The following VPS13B variants were observed in gnomAD, a reference collection of about 807,000 sequenced individuals.
VPS13B encodes vacuolar protein sorting 13 homolog B.
Under a neutral mutation model 426.4 loss-of-function variants are expected in VPS13B, and 285 were observed. The observed-to-expected ratio is 0.67, with a 90% CI of 0.61 to 0.74. The LOEUF is 0.74. Ranked by LOEUF, VPS13B falls within the 30% of genes least tolerant of loss-of-function variation. The pLI is 0.00. For synonymous variants in VPS13B, 1,676 were observed against 1,676.4 expected (o/e 1.00, Z 0.01); for missense variants, 4,537 against 4,782.6 (o/e 0.95, Z 1.51).
chr8:99,623,373 C>T (rs1003406852), intron 33 of VPS13B, among the ~76,000 whole-genome samples: 2 of 152,138 alleles, frequency 1.3e-5, no homozygotes, highest in Non-Finnish European at 2.9e-5. Context: ...TTTCTCATAC[C>T]ATGTATAATC....
chr8:99,091,420 T>G (rs1454081205), intron 3 of VPS13B, among the ~76,000 whole-genome samples: 1 of 152,192 alleles, frequency 6.6e-6, no homozygotes, highest in African/African-American at 2.4e-5. Context: ...TTCCAGCCTG[T>G]CATAACCCCT....
intron 17 of VPS13B, among the ~76,000 whole-genome samples, chr8:99,220,259 C>T (rs1295726696): frequency 6.6e-6 from 1 of 152,160 alleles, no homozygotes; most frequent in Non-Finnish European, 1.5e-5. Flanking sequence ...ACCAATAAAT[C>T]TCAGCTTTTG....
chr8:99,638,446 C>T (rs1225122107), intron 33 of VPS13B, among the ~76,000 whole-genome samples: 6 of 151,958 alleles, frequency 3.9e-5, no homozygotes, highest in Non-Finnish European at 7.4e-5. Context: ...GCTCACAATC[C>T]CTGAGACAGA....
intron 17 of VPS13B, among the ~76,000 whole-genome samples, chr8:99,239,655 A>G (rs540784787): frequency 8.6e-5 from 13 of 151,404 alleles, no homozygotes; most frequent in African/African-American, 3.2e-4. Flanking sequence ...ATTGCAGATA[A>G]AGAGAGGTTC....
At chr8:99,314,803 T>C (rs1300181323) in intron 19 of VPS13B, among the ~76,000 whole-genome samples, 1 of 152,204 alleles carries the variant, frequency 6.6e-6, no homozygotes, top group African/African-American at 2.4e-5. Context: ...GGGTGCTTGG[T>C]GTTGGGTGCA....
At position 99,642,461 on chromosome 8, in the gene VPS13B, T is replaced by C. The variant is rs1829408630; in HGVS notation, c.5871T>C (p.Ala1957=). ...KQRVEVSIFD[A]VLKGVASDYK... ...GAGTGGAAGTATCCATTTTTGATGC[T>C]GTGCTTAAAGGGGTGGCCTCTGATT... Residue 1957 remains alanine (A), a synonymous_variant, in exon 34 of 62, where the codon GCT becomes GCC. Transcript: ENST00000357162. 6.2e-7 allele frequency: 1 copy of C among 1,614,024 alleles called. No individual in the cohort carries two copies. The highest frequency in any genetic ancestry group is 2.2e-5 in the East Asian group (1 of 44,880).
chr8:99,482,025 G>A (rs186505726), intron 25 of VPS13B, among the ~76,000 whole-genome samples: 3 of 152,208 alleles, frequency 2.0e-5, no homozygotes, highest in Non-Finnish European at 2.9e-5. Flanking sequence ...GATAGTGCAG[G>A]TTCTGTGAAA....
chr8:99,636,894 T>A (rs1305836657), intron 33 of VPS13B, among the ~76,000 whole-genome samples: 1 of 152,034 alleles, frequency 6.6e-6, no homozygotes, highest in Admixed American at 6.6e-5. Flanking sequence ...ACCGAAGTAA[T>A]GTACAGTTGG....
chr8:99,230,296 C>T (rs1047900604), intron 17 of VPS13B, among the ~76,000 whole-genome samples: 2 of 152,116 alleles, frequency 1.3e-5, no homozygotes, highest in Non-Finnish European at 2.9e-5. Context: ...GTCCCTTACT[C>T]GATCCATATG....
chr8:99,699,539 G>A lies in VPS13B; in HGVS notation c.6061G>A (p.Asp2021Asn). Residue 2021 changes from aspartate to asparagine, a missense_variant, in exon 36 of 62, where the codon GAT (aspartate) becomes AAT (asparagine). Physicochemically the swap from Asp to Asn is conservative, Grantham distance 23 (BLOSUM62 1). Around this residue, in one of 2 missense-constraint regions of VPS13B, gnomAD observed 4,311 missense variants for 4,474.3 expected, o/e 0.96. Coordinates refer to ENST00000357162, the MANE Select transcript of VPS13B (RefSeq NM_152564.5). ...FLNGPADVNLDISKPLKANLS... is the reference protein window; with the variant it reads ...FLNGPADVNLNISKPLKANLS... ...TACTTCTATAGCGGATGTCAATTTGGATATATCAAAGCCTTTGAAAGCAAA... is the reference window on the plus strand; with the variant it reads ...TACTTCTATAGCGGATGTCAATTTGAATATATCAAAGCCTTTGAAAGCAAA... 1 of 1,613,578 alleles carries A rather than the reference G, an allele frequency of 6.2e-7. No homozygotes were observed. The highest frequency in any genetic ancestry group is 2.2e-5 in the East Asian group (1 of 44,874).
chr8:99,352,108 C>G (rs910843148), intron 19 of VPS13B, among the ~76,000 whole-genome samples: 6 of 152,140 alleles, frequency 3.9e-5, no homozygotes, highest in Non-Finnish European at 7.4e-5. Flanking sequence ...TCTTGCCCTC[C>G]TCCTGTGGAA....
chr8:99,655,702 G>T (rs199586844), intron 34 of VPS13B, among the ~76,000 whole-genome samples: 2 of 152,246 alleles, frequency 1.3e-5, no homozygotes, highest in East Asian at 3.9e-4. Flanking sequence ...TCTCCTCCCT[G>T]CTTTCAGGTG....
chr8:99,651,775 T>A (rs1314474961), intron 34 of VPS13B, among the ~76,000 whole-genome samples: 2 of 152,190 alleles, frequency 1.3e-5, no homozygotes, highest in Non-Finnish European at 2.9e-5. Flanking sequence ...ATTTTTCTTC[T>A]TGTTTGTTTG....
At chr8:99,462,358 C>T (rs1414600911) in intron 23 of VPS13B, among the ~76,000 whole-genome samples, 4 of 151,408 alleles carry the variant, frequency 2.6e-5, no homozygotes, top group Non-Finnish European at 4.4e-5. Context: ...TTTTTTTATT[C>T]TTGACATCAT....
chr8:99,510,414 A>G (rs1261158906), intron 28 of VPS13B, among the ~76,000 whole-genome samples: 1 of 152,214 alleles, frequency 6.6e-6, no homozygotes, highest in Non-Finnish European at 1.5e-5. Flanking sequence ...CCCTTCTGTG[A>G]CCTGTGATAC....
rs763624806 is a variant in VPS13B at position 99,274,256 on chromosome 8, G to C, written c.2574G>C (p.Leu858Phe). The C allele has an allele frequency of 2.5e-6, 4 of 1,614,122 alleles. No homozygotes were observed. The East Asian group carries it at 8.9e-5, about 36-fold the overall frequency. ...TLEGSIQNVE[L>F]KYCSTSLVKC... Reference sequence around the variant, plus strand: ...AGGGCTCAATCCAGAATGTTGAATTGAAGTACTGCAGCACATCATTGGTCA... The same window carrying C: ...AGGGCTCAATCCAGAATGTTGAATTCAAGTACTGCAGCACATCATTGGTCA... Residue 858 changes from leucine to phenylalanine, a missense_variant, in exon 18 of 62, where the codon TTG becomes TTC. Transcript: ENST00000357162.
At chr8:99,809,667 A>T in intron 44 of VPS13B, 137 bp downstream of exon 44, 1 of 1,033,012 alleles carries the variant, frequency 9.7e-7, no homozygotes, top group Non-Finnish European at 1.4e-6. Context: ...GTGAGCATTT[A>T]ATAAATGCTT....
intron 5 of VPS13B, among the ~76,000 whole-genome samples, chr8:99,108,595 T>C (rs908910511): frequency 9.9e-5 from 15 of 152,148 alleles, no homozygotes; most frequent in Middle Eastern, 3.2e-3. Context: ...TGTAAATGCA[T>C]GGATTCATTT....
intron 2 of VPS13B, among the ~76,000 whole-genome samples, chr8:99,031,956 C>G (rs980539469): frequency 6.6e-6 from 1 of 152,256 alleles, no homozygotes; most frequent in Non-Finnish European, 1.5e-5. Context: ...AATGCGAATT[C>G]TCTCTTTGGA....
Sources: gnomAD v4.1 joint callset for allele counts (sites outside exome capture counted in the v4.1 genomes callset) on GRCh38, gnomAD v4.1.1 for gene constraint, gnomAD v4.1.1 regional missense constraint, MANE v1.5 for transcripts, NCBI Gene and HGNC (gene_info 2026-07-23, HGNC 2026-07-21) for gene names.